DNAH17: variants seen among roughly 807,000 people sequenced by gnomAD.
DNAH17 encodes the protein axonemal beta dynein heavy chain 17.
In DNAH17, 376 loss-of-function variants were observed where a neutral mutation model predicts 485.6. The ratio of observed to expected loss-of-function variants is 0.77; its 90% CI spans 0.71 to 0.84. DNAH17 has a LOEUF of 0.84. Ranked by LOEUF, DNAH17 falls within the 40% of genes least tolerant of loss-of-function variation. The pLI, the probability that DNAH17 is intolerant of heterozygous loss-of-function variation, is 0.00. For synonymous variants in DNAH17, 3,031 were observed against 2,405.9 expected (o/e 1.26, Z -7.60); for missense variants, 6,370 against 5,839.3 (o/e 1.09, Z -2.96).
rs1306985262 is a variant in DNAH17 at position 78,423,798 on chromosome 17, A to G, written c.*108T>C. On this transcript the variant is annotated 3_prime_UTR_variant, in exon 81 of 81. Coordinates refer to ENST00000389840, the MANE Select transcript of DNAH17 (RefSeq NM_173628.4). ...TACAAAGCACCTGATTATTTAAGAG[A>G]ACGAAAAACCACCACCAGTTCCTGT... The G allele has an allele frequency of 7.1e-7, 1 of 1,414,324 alleles. No individual in the cohort carries two copies. The highest frequency in any genetic ancestry group is 9.7e-7 in the Non-Finnish European group (1 of 1,035,178). The allele number at this position is 1,414,324 out of a possible 1,614,324, so 87.6% of individuals were successfully genotyped here.
chr17:78,555,793 T>TG (rs1193300006), intron 14 of DNAH17, among the ~76,000 whole-genome samples: 1 of 152,178 alleles, frequency 6.6e-6, no homozygotes, highest in Non-Finnish European at 1.5e-5. Flanking sequence ...CTCCCCAGTG[T>TG]GGGTGGGTCT....
At chr17:78,527,067 T>A in intron 22 of DNAH17, 71 bp from the exon 23 acceptor site, 1 of 1,309,420 alleles carries the variant, frequency 7.6e-7, no homozygotes, top group East Asian at 2.5e-5. Context: ...GTGAAATAAT[T>A]AGAGACTGGT....
At chr17:78,437,937 G>T in intron 73 of DNAH17, 69 bp from the exon 74 acceptor site, 1 of 1,228,090 alleles carries the variant, frequency 8.1e-7, no homozygotes, top group Non-Finnish European at 1.2e-6. Context: ...AGACTGGCAC[G>T]TGGCTATGTT....
intron 25 of DNAH17, among the ~76,000 whole-genome samples, chr17:78,521,095 A>G (rs1399146963): frequency 6.6e-6 from 1 of 152,220 alleles, no homozygotes; most frequent in East Asian, 1.9e-4. Flanking sequence ...GACTTTTGAT[A>G]AAGATGCAAA....
chr17:78,468,032 AAGAG>A (rs56248373), intron 55 of DNAH17, among the ~76,000 whole-genome samples: 54,593 of 133,390 alleles, frequency 0.41, 11,175 homozygotes, highest in Middle Eastern at 0.53. Flanking sequence ...AAAAAAAAAA[AAGAG>A]AGAGAGAGAG....
At chr17:78,473,543 CAAAAAAAAAA>C (rs758795883) in intron 54 of DNAH17, among the ~76,000 whole-genome samples, 2 of 55,446 alleles carry the variant, frequency 3.6e-5, no homozygotes, top group African/African-American at 1.4e-4. Flanking sequence ...GACTCTGTCT[CAAAAAAAAAA>C]AAAAAAAAAA....
At chr17:78,527,017 G>C (rs1346437833) in intron 22 of DNAH17, 21 bp from the exon 23 acceptor site, 2 of 1,521,256 alleles carry the variant, frequency 1.3e-6, no homozygotes, top group Admixed American at 2.1e-5. Flanking sequence ...CAAAGGCAGA[G>C]GAGGGCTCCT....
At chr17:78,425,093 C>T (rs923929898) in intron 80 of DNAH17, 34 of 417,128 alleles carry the variant, frequency 8.2e-5, no homozygotes, top group East Asian at 7.0e-4. Context: ...CTGCTGTTTT[C>T]ATTAAAGCAG....
intron 54 of DNAH17, 125 bp downstream of exon 54, chr17:78,475,153 T>G: frequency 9.0e-7 from 1 of 1,106,544 alleles, no homozygotes; most frequent in Non-Finnish European, 1.3e-6. Flanking sequence ...ACCCTTTGGA[T>G]AAGGACTATT....
chr17:78,551,455 G>A (rs2091899651), intron 16 of DNAH17, 80 bp downstream of exon 16: 2 of 1,304,924 alleles, frequency 1.5e-6, no homozygotes, highest in Non-Finnish European at 2.2e-6. Context: ...ACTTTCCATG[G>A]GCCTCTACGT....
rs1409523907 is a variant in DNAH17 at position 78,561,990 on chromosome 17, AAGG to A, written c.1570-13_1570-11del. On this transcript the variant is annotated splice_polypyrimidine_tract_variant and intron_variant, in intron 11 of 80. Coordinates refer to ENST00000389840, the MANE Select transcript of DNAH17 (RefSeq NM_173628.4). ...CACACATGTACAGGAGCTGAGGACAAAGGAGAAGGGGGCCTCTTCACCACAGTC... is the reference window on the plus strand; with the variant it reads ...CACACATGTACAGGAGCTGAGGACAAAGAAGGGGGCCTCTTCACCACAGTC... 1.9e-6 allele frequency: 3 copies of A among 1,570,272 alleles called. No homozygotes were observed. The South Asian group carries it at 3.5e-5, about 18-fold the overall frequency.
intron 48 of DNAH17, among the ~76,000 whole-genome samples, chr17:78,482,070 C>CTTTTTTTTTTTT (rs36105381): frequency 7.7e-6 from 1 of 130,664 alleles, no homozygotes; most frequent in Non-Finnish European, 1.6e-5. Context: ...ACACTAGTTA[C>CTTTTTTTTTTTT]TTTTTTTTTT....
In DNAH17 at chr17:78,486,399, C is replaced by A; in HGVS notation, c.6926G>T (p.Gly2309Val). ...LPTCLDKLRF[G>V]FKKITPVPEI... ...CGGCACTGGCGTGATCTTCTTGAACCCAAAGCGCAACTTGTCCAGGCACGT... is the reference window on the plus strand; with the variant it reads ...CGGCACTGGCGTGATCTTCTTGAACACAAAGCGCAACTTGTCCAGGCACGT... The change falls in exon 45 of 81, where the codon GGG (glycine) becomes GTG (valine). Residue 2309 changes from glycine (G) to valine (V), a missense_variant. Physicochemically the swap from Gly to Val is moderately radical, Grantham distance 109. Transcript: ENST00000389840. 6.2e-7 allele frequency: 1 copy of A among 1,613,872 alleles called. No homozygotes were observed. Among genetic ancestry groups the A allele is most frequent in the Non-Finnish European group, 8.5e-7 (1 of 1,179,880 alleles).
intron 56 of DNAH17, among the ~76,000 whole-genome samples, chr17:78,463,376 T>C (rs74001349): frequency 0.043 from 6,533 of 152,230 alleles, 480 homozygotes; most frequent in African/African-American, 0.15. Flanking sequence ...ATGTGCACAT[T>C]CACATACCTG....
intron 74 of DNAH17, among the ~76,000 whole-genome samples, chr17:78,434,799 A>T (rs371569899): frequency 6.6e-6 from 1 of 152,218 alleles, no homozygotes; most frequent in African/African-American, 2.4e-5. Context: ...TTTGCTACGT[A>T]GTGACTCCTG....
intron 16 of DNAH17, among the ~76,000 whole-genome samples, chr17:78,545,956 A>G (rs765894671): frequency 4.0e-5 from 6 of 148,308 alleles, no homozygotes; most frequent in South Asian, 2.2e-4. Context: ...ATGTCTGTGA[A>G]TAAGACTACC....
Position 78,495,960 on chromosome 17 carries a change from T to C in DNAH17, c.5818A>G (p.Ile1940Val), listed in dbSNP as rs62073548. The change falls in exon 38 of 81, where the codon ATT (isoleucine) becomes GTT (valine). Residue 1940 changes from isoleucine (I) to valine (V), a missense_variant. By Grantham distance (29) the Ile-to-Val change is conservative. Coordinates refer to ENST00000389840, the MANE Select transcript of DNAH17 (RefSeq NM_173628.4). The part of the protein sequence containing the change: ...FNFLGEIIGL[I>V]PTVGIFITMN... ...GTGATGAAGATACCGACGGTGGGAA[T>C]GAGGCCTATGATCTCTCCCAGGAAA... 6.8e-6 allele frequency: 11 copies of C among 1,614,004 alleles called. No homozygotes were observed. The South Asian group carries it at 1.2e-4, about 18-fold the overall frequency.
At chr17:78,503,369 T>C (rs1598603240) in intron 31 of DNAH17, among the ~76,000 whole-genome samples, 2 of 147,654 alleles carry the variant, frequency 1.4e-5, no homozygotes, top group South Asian at 4.4e-4. Context: ...GTATTTTTAC[T>C]AGAGGTGGGG....
At chr17:78,506,250 T>A (rs1249558232) in intron 30 of DNAH17, among the ~76,000 whole-genome samples, 1 of 150,704 alleles carries the variant, frequency 6.6e-6, no homozygotes, top group Non-Finnish European at 1.5e-5. Flanking sequence ...CAAGCAATTA[T>A]CATGCCACAG....
Sources: gnomAD v4.1 joint callset for allele counts (sites outside exome capture counted in the v4.1 genomes callset) on GRCh38, gnomAD v4.1.1 for gene constraint, MANE v1.5 for transcripts, NCBI Gene and HGNC (gene_info 2026-07-23, HGNC 2026-07-21) for gene names.